Variants in CFAP44 observed in about 807,000 individuals in gnomAD.
CFAP44 encodes the protein cilia and flagella associated protein 44, also known as cilia- and flagella-associated protein 44.
CFAP44 carries 134 observed loss-of-function variants against 216.2 expected under a neutral mutation model. The observed-to-expected ratio is 0.62, with a 90% CI of 0.54 to 0.72. The LOEUF (loss-of-function observed/expected upper bound fraction) is 0.72. Among genes scored for constraint, CFAP44 ranks in the 30% least tolerant of loss-of-function variants. The pLI is 0.00. For synonymous variants in CFAP44, 700 were observed against 727.6 expected (o/e 0.96, Z 0.61); for missense variants, 2,035 against 2,182.1 (o/e 0.93, Z 1.34).
chr3:113,392,658 T>C (rs1260492394), intron 15 of CFAP44, among the ~76,000 whole-genome samples: 1 of 152,058 alleles, frequency 6.6e-6, no homozygotes, highest in Non-Finnish European at 1.5e-5. Context: ...TATCAAAATA[T>C]CTCATGTACC....
In CFAP44 at chr3:113,379,450, T is replaced by C. The variant is rs150736204; in HGVS notation, c.2154A>G (p.Gly718=). ...CTTCCTCCTCCTGAAATTCTTTTTC[T>C]CCATCTTCTCCCATCTCTGCTGCTA... is the stretch of plus-strand genomic sequence containing the variant. ...NKLAAEMGED[G]EKEFQEEEEE... Residue 718 remains glycine, a synonymous_variant, in exon 17 of 35, where the codon GGA becomes GGG. Transcript: ENST00000393845. 4.7e-5 allele frequency: 75 copies of C among 1,612,300 alleles called. No individual in the cohort carries two copies. The highest frequency in any genetic ancestry group is 6.0e-5 in the Non-Finnish European group (71 of 1,178,532).
rs116776709 is a variant in CFAP44, at chr3:113,440,786, T to C, written c.-6+667A>G. On this transcript the variant is annotated intron_variant, in intron 1 of 34. Coordinates refer to ENST00000393845, the MANE Select transcript of CFAP44 (RefSeq NM_001164496.2). Reference sequence around the variant, plus strand: ...TAAAGGTCCCTTGTCAGAGGGTCTGTAGCTTATTGCAGCCCAGCTACAGTC... The same window carrying C: ...TAAAGGTCCCTTGTCAGAGGGTCTGCAGCTTATTGCAGCCCAGCTACAGTC... 9.1e-3 allele frequency among the ~76,000 whole-genome samples: 1,392 copies of C among 152,300 alleles called. 19 individuals are homozygous for C. Among genetic ancestry groups the C allele is most frequent in the African/African-American group, 0.031 (1,299 of 41,570 alleles).
intron 25 of CFAP44, among the ~76,000 whole-genome samples, chr3:113,332,291 A>G (rs1950247166): frequency 6.6e-6 from 1 of 152,224 alleles, no homozygotes; most frequent in Non-Finnish European, 1.5e-5. Flanking sequence ...AAATGTCCAA[A>G]TTGTCCATTT....
chr3:113,328,880 G>C (rs2107810172), intron 26 of CFAP44, among the ~76,000 whole-genome samples: 1 of 152,136 alleles, frequency 6.6e-6, no homozygotes, highest in Non-Finnish European at 1.5e-5. Context: ...GATTACACTT[G>C]TTTTATTCTC....
Position 113,409,298 on chromosome 3 carries a change from T to C in CFAP44, c.698A>G (p.Tyr233Cys), listed in dbSNP as rs763791557. ...GTTACCGCTGTAGTTAAAGTCCACA[T>C]AAGCATATCCCTTCTCAGTCCCATC... ...LRDGTEKGYA[Y>C]VDFNYSGNLL... The change falls in exon 7 of 35, where the codon TAT becomes TGT. Residue 233 changes from tyrosine to cysteine, a missense_variant. Coordinates refer to ENST00000393845, the MANE Select transcript of CFAP44 (RefSeq NM_001164496.2). 18 of 1,614,058 alleles carry C rather than the reference T, an allele frequency of 1.1e-5. No homozygotes were observed. In the South Asian group the frequency reaches 2.0e-4, roughly 18 times the overall value.
intron 1 of CFAP44, among the ~76,000 whole-genome samples, chr3:113,439,584 T>A (rs563203448): frequency 3.3e-4 from 51 of 152,354 alleles, no homozygotes; most frequent in Non-Finnish European, 5.7e-4. Context: ...GCACGCATAT[T>A]CCATTGCAAT....
At chr3:113,358,928 C>T in intron 21 of CFAP44, 53 bp from the exon 22 acceptor site, 1 of 1,495,214 alleles carries the variant, frequency 6.7e-7, no homozygotes, top group Non-Finnish European at 8.9e-7. Flanking sequence ...AACTCTGTTT[C>T]ATATATTTCA....
chr3:113,404,361 AATACTATCAAATTTTAGATGTTAG>A (rs1934219479), intron 8 of CFAP44, among the ~76,000 whole-genome samples: 1 of 152,212 alleles, frequency 6.6e-6, no homozygotes, highest in Admixed American at 6.5e-5. Context: ...TTTTAAATGT[AATACTATCAAATTTTAGATGTTAG>A]ATAACTTGTA....
intron 33 of CFAP44, among the ~76,000 whole-genome samples, chr3:113,295,552 G>A (rs1395239666): frequency 6.6e-6 from 1 of 152,162 alleles, no homozygotes; most frequent in Non-Finnish European, 1.5e-5. Context: ...TGGAGCCATT[G>A]GACAACACAG....
intron 2 of CFAP44, chr3:113,429,062 G>C (rs188353127): frequency 6.6e-6 from 1 of 151,558 alleles, no homozygotes; most frequent in African/African-American, 2.4e-5. Flanking sequence ...AGAAAAATCC[G>C]TAAGAGCTAC....
chr3:113,376,295 A>G (rs897061997), intron 17 of CFAP44, among the ~76,000 whole-genome samples: 3 of 152,208 alleles, frequency 2.0e-5, no homozygotes, highest in African/African-American at 7.2e-5. Flanking sequence ...AATGTCTTGG[A>G]CAGGTTAATT....
chr3:113,350,077 G>A (rs1192080028), intron 22 of CFAP44, among the ~76,000 whole-genome samples: 18 of 152,200 alleles, frequency 1.2e-4, no homozygotes, highest in Admixed American at 1.2e-3. Flanking sequence ...ACCCAACGAG[G>A]TGGCAGTCTT....
intron 34 of CFAP44, among the ~76,000 whole-genome samples, chr3:113,292,353 G>A (rs1306064979): frequency 2.0e-5 from 3 of 152,076 alleles, no homozygotes; most frequent in Non-Finnish European, 4.4e-5. Flanking sequence ...CATGACCAAA[G>A]TGCTTGTTTG....
intron 8 of CFAP44, among the ~76,000 whole-genome samples, chr3:113,405,156 G>A (rs1266889894): frequency 6.6e-6 from 1 of 152,102 alleles, no homozygotes; most frequent in Non-Finnish European, 1.5e-5. Context: ...CCCTTATCTA[G>A]AGAAACTGAT....
intron 4 of CFAP44, among the ~76,000 whole-genome samples, chr3:113,423,661 T>C (rs940565221): frequency 2.6e-5 from 4 of 152,238 alleles, no homozygotes; most frequent in African/African-American, 9.6e-5. Flanking sequence ...TGTTAAGTTC[T>C]GTATAATCTC....
intron 1 of CFAP44, among the ~76,000 whole-genome samples, chr3:113,436,842 T>G (rs765620452): frequency 5.3e-5 from 8 of 152,240 alleles, no homozygotes; most frequent in Non-Finnish European, 8.8e-5. Context: ...TAGTTTTCCA[T>G]TGCTGCCATA....
At chr3:113,430,992 G>C (rs1485839781) in intron 2 of CFAP44, among the ~76,000 whole-genome samples, 1 of 152,078 alleles carries the variant, frequency 6.6e-6, no homozygotes, top group Non-Finnish European at 1.5e-5. Context: ...CTCAGAGATA[G>C]CAGAAACCTC....
Position 113,287,161 on chromosome 3 carries a change from G to T in CFAP44, c.*4396C>A. 2.3e-6 allele frequency: 1 copy of T among 429,184 alleles called. No homozygotes were observed. The highest frequency in any genetic ancestry group is 1.7e-5 in the South Asian group (1 of 57,800). 26.6% of individuals were successfully genotyped at this position (429,184 alleles called of 1,614,324 possible). A position where few individuals can be genotyped will look rare whatever the true frequency, so the allele number is the denominator to read the frequency against. Reference sequence around the variant, plus strand: ...TGGGGCCTCTGCAGTGGCAGGCGAGGCTGCAGGAGGCCCACAGATAAGCTG... The same window carrying T: ...TGGGGCCTCTGCAGTGGCAGGCGAGTCTGCAGGAGGCCCACAGATAAGCTG... On this transcript the variant is annotated 3_prime_UTR_variant, in exon 35 of 35. Transcript: ENST00000393845.
chr3:113,350,765 A>G (rs953307329), intron 22 of CFAP44, among the ~76,000 whole-genome samples: 1 of 152,222 alleles, frequency 6.6e-6, no homozygotes, highest in Non-Finnish European at 1.5e-5. Context: ...CCTCATTGTG[A>G]GCACACCTCA....
Sources: gnomAD v4.1 joint callset for allele counts (sites outside exome capture counted in the v4.1 genomes callset) on GRCh38, gnomAD v4.1.1 for gene constraint, MANE v1.5 for transcripts, NCBI Gene and HGNC (gene_info 2026-07-23, HGNC 2026-07-21) for gene names.